Variants in GPLD1 observed in about 807,000 individuals in gnomAD.
GPLD1 encodes phosphatidylinositol-glycan-specific phospholipase D.
GPLD1 carries 84 observed loss-of-function variants against 112.6 expected under a neutral mutation model. The ratio of observed to expected loss-of-function variants is 0.75; its 90% CI spans 0.63 to 0.89. The LOEUF (loss-of-function observed/expected upper bound fraction) is 0.89. GPLD1 is among the 40% of genes least tolerant of loss of function. The pLI is 0.00. For missense variants in GPLD1, 1,044 were observed against 1,051.5 expected (o/e 0.99, Z 0.10); for synonymous variants, 386 against 403.8 (o/e 0.96, Z 0.53).
At chr6:24,473,994 C>T (rs990060841) in intron 5 of GPLD1, among the ~76,000 whole-genome samples, 6 of 151,806 alleles carry the variant, frequency 4.0e-5, no homozygotes, top group South Asian at 4.2e-4. Flanking sequence ...GGCATGGTGG[C>T]GGGTTCTGGT....
At chr6:24,465,563 G>A (rs1581766297) in intron 10 of GPLD1, among the ~76,000 whole-genome samples, 1 of 151,604 alleles carries the variant, frequency 6.6e-6, no homozygotes, top group South Asian at 2.1e-4. Context: ...AAAAACACAT[G>A]TGCTCTTAAA....
chr6:24,489,498 C>A lies in GPLD1; in HGVS notation c.14G>T (p.Arg5Met). The change falls in exon 1 of 25, where the codon AGG becomes ATG. Residue 5 changes from arginine (R) to methionine (M), a missense_variant. Transcript: ENST00000230036. ...CATGATCAGCAGGCCAGGCCACAACCTGAAAGCAGACATGATCTCATTGCC... is the reference window on the plus strand; with the variant it reads ...CATGATCAGCAGGCCAGGCCACAACATGAAAGCAGACATGATCTCATTGCC... MSAFRLWPGLLIMLG... is the reference protein window; with the variant it reads MSAFMLWPGLLIMLG... 1 of 1,614,068 alleles carries A rather than the reference C, an allele frequency of 6.2e-7. No homozygotes were observed. The highest frequency in any genetic ancestry group is 1.1e-5 in the South Asian group (1 of 91,076).
chr6:24,465,386 C>A (rs1763572095), intron 10 of GPLD1, among the ~76,000 whole-genome samples: 1 of 151,170 alleles, frequency 6.6e-6, no homozygotes, highest in African/African-American at 2.4e-5. Flanking sequence ...ACCAAAAATA[C>A]AAACAATTAG....
chr6:24,483,474 T>TA (rs1411505662), intron 2 of GPLD1, among the ~76,000 whole-genome samples: 65 of 150,124 alleles, frequency 4.3e-4, no homozygotes, highest in Middle Eastern at 3.5e-3. Context: ...AGGTCAGGAG[T>TA]TTGAGACCAG....
At chr6:24,449,979 G>C (rs997048345) in intron 14 of GPLD1, 80 bp from the exon 15 acceptor site, 2 of 973,870 alleles carry the variant, frequency 2.1e-6, no homozygotes, top group African/African-American at 3.3e-5. Context: ...GGAGTAGAGA[G>C]GCCTGGGACA....
At chr6:24,433,635 G>A (rs1762478862) in intron 22 of GPLD1, 3 of 398,608 alleles carry the variant, frequency 7.5e-6, no homozygotes, top group Non-Finnish European at 1.3e-5. Flanking sequence ...TGGAATTACA[G>A]GCGCCCACCA....
intron 20 of GPLD1, among the ~76,000 whole-genome samples, chr6:24,440,141 G>T (rs1029062324): frequency 6.6e-6 from 1 of 152,176 alleles, no homozygotes; most frequent in African/African-American, 2.4e-5. Context: ...TTGTAATGTG[G>T]TTCATATTTG....
intron 4 of GPLD1, among the ~76,000 whole-genome samples, chr6:24,475,838 A>G (rs1763996461): frequency 6.6e-6 from 1 of 151,332 alleles, no homozygotes; most frequent in South Asian, 2.1e-4. Flanking sequence ...AGCCTGGGTG[A>G]CAGAGCGACA....
intron 14 of GPLD1, among the ~76,000 whole-genome samples, chr6:24,452,772 T>TCA (rs1763132743): frequency 1.4e-5 from 1 of 72,922 alleles, no homozygotes; most frequent in African/African-American, 6.2e-5. Flanking sequence ...AGAGTTTATC[T>TCA]CAAAAAAAAA....
rs968889987 is a variant in GPLD1, at chr6:24,464,309, A to G, written c.822-1514T>C. On this transcript the variant is annotated intron_variant, in intron 10 of 24. Coordinates refer to ENST00000230036, the MANE Select transcript of GPLD1 (RefSeq NM_001503.4). ...AAATAAGATTTTGGAAGGTTTAGCA[A>G]CTTGTTCCAGATAACTCAGTAGTGA... 1.5e-4 allele frequency among the ~76,000 whole-genome samples: 23 copies of G among 152,322 alleles called. No homozygotes were observed. The East Asian group carries it at 4.4e-3, about 29-fold the overall frequency.
At chr6:24,457,520 TTAATTG>T in intron 12 of GPLD1, among the ~76,000 whole-genome samples, 1 of 152,216 alleles carries the variant, frequency 6.6e-6, no homozygotes, top group African/African-American at 2.4e-5. Flanking sequence ...ATGCAGAACT[TTAATTG>T]TATTTGTATA....
rs999175218 is a variant in GPLD1, at chr6:24,428,488, G to A, written c.*544C>T. ...TTACAAGTGAGAATATGGAGTGTTT[G>A]GTTTTCTGTTCCTGCAATAGTTTAT... On this transcript the variant is annotated 3_prime_UTR_variant, in exon 25 of 25. Transcript: ENST00000230036. The A allele has an allele frequency of 6.6e-6, 1 of 152,162 alleles. No individual in the cohort carries two copies. Among genetic ancestry groups the A allele is most frequent in the Non-Finnish European group, 1.5e-5 (1 of 68,062 alleles). 9.4% of individuals were successfully genotyped at this position (152,162 alleles called of 1,614,324 possible). A position where few individuals can be genotyped will look rare whatever the true frequency, so the allele number is the denominator to read the frequency against.
chr6:24,432,739 T>C (rs545366160), intron 24 of GPLD1, among the ~76,000 whole-genome samples: 38 of 152,334 alleles, frequency 2.5e-4, no homozygotes, highest in South Asian at 4.1e-4. Flanking sequence ...TTGTGGGGCA[T>C]CAGTCTCCAA....
upstream of GPLD1, among the ~76,000 whole-genome samples, chr6:24,493,204 T>C (rs147742067): frequency 4.5e-4 from 68 of 152,236 alleles, 1 homozygote; most frequent in Middle Eastern, 3.4e-3. Flanking sequence ...CCCAGGCCAG[T>C]AGAAATGAGC....
rs779864047 is a variant in GPLD1, at chr6:24,456,550, A to T, written c.1096T>A (p.Ser366Thr). 2 of 1,610,204 alleles carry T rather than the reference A, an allele frequency of 1.2e-6. No individual in the cohort carries two copies. The highest frequency in any genetic ancestry group is 2.7e-5 in the African/African-American group (2 of 74,844). The change falls in exon 13 of 25, where the codon TCC becomes ACC. Residue 366 changes from serine to threonine, a missense_variant. Coordinates refer to ENST00000230036, the MANE Select transcript of GPLD1 (RefSeq NM_001503.4). The stretch of plus-strand genomic sequence containing the variant: ...AAGAAGTAAGATGCTAAGGGGCTGG[A>T]GACGTGCTTTTGTGACAACTGAGAG... ...GGSQLSQKHV[S>T]SPLASYFLSF...
intron 20 of GPLD1, among the ~76,000 whole-genome samples, chr6:24,437,523 C>G (rs970638840): frequency 1.3e-5 from 2 of 152,194 alleles, no homozygotes; most frequent in African/African-American, 4.8e-5. Context: ...CCAGTCTTAT[C>G]CCCATAATAC....
intron 13 of GPLD1, among the ~76,000 whole-genome samples, chr6:24,455,447 A>AT (rs1033895949): frequency 2.0e-4 from 31 of 152,344 alleles, no homozygotes; most frequent in Admixed American, 1.2e-3. Flanking sequence ...AAGGAGTATG[A>AT]TTTTTTTAAA....
At chr6:24,486,670 T>A (rs1764386774) in intron 1 of GPLD1, among the ~76,000 whole-genome samples, 1 of 151,842 alleles carries the variant, frequency 6.6e-6, no homozygotes, top group South Asian at 2.1e-4. Flanking sequence ...TACAAAAAAT[T>A]AGCCAGGCAT....
chr6:24,458,184 G>T (rs1763326865), intron 12 of GPLD1, among the ~76,000 whole-genome samples: 1 of 151,926 alleles, frequency 6.6e-6, no homozygotes, highest in Non-Finnish European at 1.5e-5. Context: ...CTGCTCCAAA[G>T]CAGAGCACAG....
Sources: allele counts gnomAD v4.1 joint callset (sites outside exome capture counted in the v4.1 genomes callset), GRCh38; gene constraint gnomAD v4.1.1; transcripts MANE v1.5; gene names NCBI Gene and HGNC (gene_info 2026-07-23, HGNC 2026-07-21).